ERC1: variants seen among roughly 807,000 people sequenced by gnomAD.
ERC1 encodes ELKS/RAB6-interacting/CAST family member 1.
ERC1 carries 56 observed loss-of-function variants against 132.0 expected under a neutral mutation model. That is an observed-to-expected ratio of 0.42 (90% confidence interval 0.34 to 0.53). ERC1 has a LOEUF of 0.53. Ranked by LOEUF, ERC1 falls within the 20% of genes least tolerant of loss-of-function variation. The pLI is 0.03. For missense variants in ERC1, 1,202 were observed against 1,349.9 expected, an observed-to-expected ratio of 0.89 and a Z score of 1.72; for synonymous variants, 478 against 476.1, an observed-to-expected ratio of 1.00 and a Z score of -0.05.
At chr12:1,286,371 A>C (rs1344427070) in intron 14 of ERC1, among the ~76,000 whole-genome samples, 1 of 152,052 alleles carries the variant, frequency 6.6e-6, no homozygotes, top group Non-Finnish European at 1.5e-5. Flanking sequence ...TTAAGTGTTC[A>C]TCTCAAGAAA....
chr12:1,139,091 G>A (rs2154247280), intron 7 of ERC1, among the ~76,000 whole-genome samples: 2 of 152,194 alleles, frequency 1.3e-5, no homozygotes, highest in African/African-American at 2.4e-5. Flanking sequence ...CTGCTTTTTT[G>A]CTTTCCTTGG....
intron 18 of ERC1, among the ~76,000 whole-genome samples, chr12:1,448,996 G>C (rs1006786681): frequency 6.6e-6 from 1 of 152,266 alleles, no homozygotes; most frequent in Non-Finnish European, 1.5e-5. Context: ...TCTTGCATCA[G>C]CGTGACCTGG....
intron 16 of ERC1, among the ~76,000 whole-genome samples, chr12:1,384,709 A>G (rs2089123750): frequency 6.6e-6 from 1 of 152,246 alleles, no homozygotes; most frequent in Non-Finnish European, 1.5e-5. Flanking sequence ...TATGAAATAT[A>G]AGAATTTAAA....
At chr12:1,437,817 T>C (rs940525678) in intron 17 of ERC1, among the ~76,000 whole-genome samples, 6 of 152,218 alleles carry the variant, frequency 3.9e-5, no homozygotes, top group African/African-American at 1.4e-4. Context: ...TGGCAACAGA[T>C]TTGTGAGCTG....
intron 18 of ERC1, among the ~76,000 whole-genome samples, chr12:1,489,888 G>A (rs1396765110): frequency 6.6e-6 from 1 of 152,146 alleles, no homozygotes; most frequent in African/African-American, 2.4e-5. Flanking sequence ...ATCAGCTTTC[G>A]GCCTAGAACC....
At chr12:1,400,901 T>A (rs947910496) in intron 16 of ERC1, among the ~76,000 whole-genome samples, 1 of 146,752 alleles carries the variant, frequency 6.8e-6, no homozygotes, top group Admixed American at 6.9e-5. Flanking sequence ...TCAATATTGT[T>A]TTGGCTATTT....
At chr12:1,117,320 C>T (rs1490728556) in intron 7 of ERC1, among the ~76,000 whole-genome samples, 1 of 152,118 alleles carries the variant, frequency 6.6e-6, no homozygotes, top group Non-Finnish European at 1.5e-5. Context: ...TAAACTGTTT[C>T]ATGTAATATT....
chr12:1,154,505 G>A lies in ERC1; in HGVS notation c.1737+12718G>A, dbSNP rs76171884. 1.3e-4 allele frequency among the ~76,000 whole-genome samples: 20 copies of A among 151,942 alleles called. No homozygotes were observed. The East Asian group carries it at 1.7e-3, about 13-fold the overall frequency. On this transcript the variant is annotated intron_variant, in intron 8 of 18. Coordinates refer to ENST00000360905, the MANE Select transcript of ERC1 (RefSeq NM_178040.4). Reference sequence around the variant, plus strand: ...AACTCCTCTGAACATTGGCTCAGGCGAAGGATTTATGACAAGGATCTCAAA... The same window carrying A: ...AACTCCTCTGAACATTGGCTCAGGCAAAGGATTTATGACAAGGATCTCAAA...
chr12:1,096,784 C>G (rs1262915076), intron 3 of ERC1, among the ~76,000 whole-genome samples: 1 of 151,860 alleles, frequency 6.6e-6, no homozygotes, highest in Non-Finnish European at 1.5e-5. Flanking sequence ...AAGTAAGCAC[C>G]CTCATAACCA....
chr12:1,112,436 C>T, intron 6 of ERC1, 138 bp downstream of exon 6: 1 of 582,436 alleles, frequency 1.7e-6, no homozygotes, highest in Non-Finnish European at 3.1e-6. Flanking sequence ...AACCAGCCTG[C>T]TCTGCTCTTT....
chr12:1,452,102 C>T (rs1160985073), intron 18 of ERC1, among the ~76,000 whole-genome samples: 1 of 152,146 alleles, frequency 6.6e-6, no homozygotes, highest in African/African-American at 2.4e-5. Flanking sequence ...TTTAAGCCAC[C>T]CAGACTGGTA....
At chr12:995,647 G>C (rs1960679814) in intron 1 of ERC1, among the ~76,000 whole-genome samples, 1 of 152,074 alleles carries the variant, frequency 6.6e-6, no homozygotes, top group Non-Finnish European at 1.5e-5. Context: ...AGTGAATTTT[G>C]GTGGAGAAGA....
At chr12:990,952 A>AGG (rs1565724158), upstream of ERC1, 1 of 150,032 alleles carries the variant, frequency 6.7e-6, no homozygotes, top group Non-Finnish European at 1.5e-5. Context: ...TGTGTGTGTG[A>AGG]GTGTGTGTGT....
chr12:1,134,593 C>T (rs1231275209), intron 7 of ERC1, among the ~76,000 whole-genome samples: 2 of 152,120 alleles, frequency 1.3e-5, no homozygotes, highest in Admixed American at 6.5e-5. Flanking sequence ...CTCAAGTGAT[C>T]CTTCTGCCTC....
intron 15 of ERC1, among the ~76,000 whole-genome samples, chr12:1,304,247 G>T (rs1354813456): frequency 1.3e-5 from 2 of 152,178 alleles, no homozygotes; most frequent in Admixed American, 6.5e-5. Flanking sequence ...AGATGTACTG[G>T]CATTGAACTG....
At chr12:1,465,489 G>A (rs2093725468) in intron 18 of ERC1, among the ~76,000 whole-genome samples, 1 of 152,156 alleles carries the variant, frequency 6.6e-6, no homozygotes, top group African/African-American at 2.4e-5. Flanking sequence ...GCTCCTGTAG[G>A]AACAGTAGCT....
chr12:1,070,777 A>G (rs748708905), intron 2 of ERC1, among the ~76,000 whole-genome samples: 9 of 152,214 alleles, frequency 5.9e-5, no homozygotes, highest in Non-Finnish European at 1.2e-4. Context: ...ACAAATGCCA[A>G]CACCCGTGTA....
intron 2 of ERC1, among the ~76,000 whole-genome samples, chr12:1,063,123 A>G (rs1938369103): frequency 6.6e-6 from 1 of 151,772 alleles, no homozygotes; most frequent in Admixed American, 6.6e-5. Flanking sequence ...GAGTGACTGT[A>G]GTAGCATGAT....
rs2094346656 is a variant in ERC1, at chr12:1,494,931, A to G, written c.*4701A>G. 4.3e-6 allele frequency: 1 copy of G among 230,830 alleles called. No homozygotes were observed. The highest frequency in any genetic ancestry group is 2.2e-5 in the African/African-American group (1 of 45,232). The allele number at this position is 230,830 out of a possible 1,614,324, so 14.3% of individuals were successfully genotyped here. On this transcript the variant is annotated 3_prime_UTR_variant, in exon 19 of 19. Transcript: ENST00000360905. ...ATAGGTGGCCCTGGGCTGGCGGCTT[A>G]GGAAGCATGGAGCACACTTAGGGTA...
Sources: gnomAD v4.1 joint callset for allele counts (sites outside exome capture counted in the v4.1 genomes callset) on GRCh38, gnomAD v4.1.1 for gene constraint, MANE v1.5 for transcripts, NCBI Gene and HGNC (gene_info 2026-07-23, HGNC 2026-07-21) for gene names.